Variants in EBF1 observed in about 807,000 individuals in gnomAD.
EBF1 encodes EBF transcription factor 1.
In EBF1, 10 loss-of-function variants were observed where a neutral mutation model predicts 68.4. The ratio of observed to expected loss-of-function variants is 0.15; its 90% CI spans 0.09 to 0.25. The LOEUF is 0.25. Among genes scored for constraint, EBF1 ranks in the 10% least tolerant of loss-of-function variants. The probability of loss-of-function intolerance (pLI) is 1.00; values close to 1 mark genes in which losing one functional copy is unlikely to be tolerated. For synonymous variants in EBF1, 298 were observed against 299.8 expected, an observed-to-expected ratio of 0.99 and a Z score of 0.06; for missense variants, 509 against 794.4, an observed-to-expected ratio of 0.64 and a Z score of 4.32.
At chr5:159,071,034 CTTG>C (rs1330195433) in intron 6 of EBF1, among the ~76,000 whole-genome samples, 2 of 152,186 alleles carry the variant, frequency 1.3e-5, no homozygotes, top group Admixed American at 1.3e-4. Context: ...AAGTTCTTCT[CTTG>C]TTGTTATTCT....
chr5:159,016,501 C>T (rs554192963), intron 6 of EBF1, among the ~76,000 whole-genome samples: 123 of 152,240 alleles, frequency 8.1e-4, no homozygotes, highest in African/African-American at 2.7e-3. Context: ...CCAATGATAA[C>T]GATGATAGGA....
Position 159,094,539 on chromosome 5 carries a change from C to T in EBF1, c.411+1081G>A, listed in dbSNP as rs906977445. Among the ~76,000 whole-genome samples, 7 of 152,194 alleles carry T rather than the reference C, an allele frequency of 4.6e-5. No individual in the cohort carries two copies. The East Asian group carries it at 1.2e-3, about 25-fold the overall frequency. On this transcript the variant is annotated intron_variant, in intron 4 of 15. Coordinates refer to ENST00000313708, the MANE Select transcript of EBF1 (RefSeq NM_024007.5). ...TGACATTTCTACCACATATTTAAGC[C>T]GTGGTGTATCTAAAAATAATTTTTA...
At chr5:158,726,563 A>G (rs1028339615) in intron 11 of EBF1, among the ~76,000 whole-genome samples, 1 of 152,240 alleles carries the variant, frequency 6.6e-6, no homozygotes, top group Non-Finnish European at 1.5e-5. Context: ...AAAGCAAAAT[A>G]CACAAATGCA....
intron 6 of EBF1, among the ~76,000 whole-genome samples, chr5:158,922,623 T>C (rs1009559111): frequency 6.6e-6 from 1 of 152,126 alleles, no homozygotes; most frequent in Non-Finnish European, 1.5e-5. Context: ...GAAAAGTAGA[T>C]TTACGGAAAG....
At chr5:158,952,472 C>T (rs1239820135) in intron 6 of EBF1, among the ~76,000 whole-genome samples, 2 of 152,170 alleles carry the variant, frequency 1.3e-5, no homozygotes, top group African/African-American at 4.8e-5. Flanking sequence ...ATCTTCTCCC[C>T]CTTGCACTAA....
chr5:158,800,889 C>T lies in EBF1; in HGVS notation c.779-4414G>A, dbSNP rs538822655. 2.6e-5 allele frequency among the ~76,000 whole-genome samples: 4 copies of T among 152,196 alleles called. No individual in the cohort carries two copies. In the South Asian group the frequency reaches 8.3e-4, roughly 32 times the overall value. ...AAGCAAATATTATGGAATGTGGGGG[C>T]GGTGTTTGAATACAAAACCACTTTT... On this transcript the variant is annotated intron_variant, in intron 8 of 15. Transcript: ENST00000313708.
intron 6 of EBF1, among the ~76,000 whole-genome samples, chr5:159,051,188 C>T (rs958655867): frequency 4.6e-5 from 7 of 152,052 alleles, no homozygotes; most frequent in Non-Finnish European, 7.4e-5. Context: ...TTTGAAGCCG[C>T]ACCACAAAGG....
intron 15 of EBF1, among the ~76,000 whole-genome samples, chr5:158,701,178 T>C (rs1405062562): frequency 6.6e-6 from 1 of 152,146 alleles, no homozygotes; most frequent in Non-Finnish European, 1.5e-5. Flanking sequence ...CAAGTCTACT[T>C]TCGCTTTCCA....
At chr5:159,067,602 G>A (rs1777073495) in intron 6 of EBF1, among the ~76,000 whole-genome samples, 1 of 152,160 alleles carries the variant, frequency 6.6e-6, no homozygotes, top group South Asian at 2.1e-4. Flanking sequence ...TATAGACTGC[G>A]ATTAGCTTAT....
intron 6 of EBF1, among the ~76,000 whole-genome samples, chr5:159,017,496 T>A (rs1765852544): frequency 1.3e-5 from 2 of 152,210 alleles, no homozygotes; most frequent in African/African-American, 4.8e-5. Context: ...TCAACCCCCA[T>A]TCCTTCAGTA....
intron 6 of EBF1, among the ~76,000 whole-genome samples, chr5:158,914,690 G>A (rs1001525274): frequency 2.0e-5 from 3 of 152,096 alleles, no homozygotes; most frequent in Admixed American, 6.5e-5. Flanking sequence ...TGTGTGGGGC[G>A]GTAGGAGGTG....
intron 6 of EBF1, among the ~76,000 whole-genome samples, chr5:158,896,507 G>A (rs1802208613): frequency 6.6e-6 from 1 of 152,006 alleles, no homozygotes; most frequent in Non-Finnish European, 1.5e-5. Context: ...CTTGTTTTAG[G>A]GGAATATTAT....
At chr5:159,079,803 T>G (rs1038097888) in intron 5 of EBF1, among the ~76,000 whole-genome samples, 1 of 151,834 alleles carries the variant, frequency 6.6e-6, no homozygotes, top group Non-Finnish European at 1.5e-5. Context: ...TTGGTAGAGA[T>G]GGGGTTTCAC....
chr5:158,947,507 C>T (rs1392169996), intron 6 of EBF1, among the ~76,000 whole-genome samples: 1 of 152,228 alleles, frequency 6.6e-6, no homozygotes, highest in Non-Finnish European at 1.5e-5. Flanking sequence ...TCTGCTCGCC[C>T]TCCCTGGGCT....
intron 6 of EBF1, among the ~76,000 whole-genome samples, chr5:158,850,651 T>C (rs1307575536): frequency 6.6e-6 from 1 of 152,190 alleles, no homozygotes; most frequent in East Asian, 1.9e-4. Context: ...ATGATGGAGC[T>C]ATATACCAGA....
chr5:158,988,147 C>T (rs1256059175), intron 6 of EBF1, among the ~76,000 whole-genome samples: 1 of 152,204 alleles, frequency 6.6e-6, no homozygotes, highest in East Asian at 1.9e-4. Flanking sequence ...CCTCTGGTCA[C>T]AAAGACGGAA....
At chr5:158,737,266 A>ATTTTTTTTTGTTTTTT (rs1765389933) in intron 10 of EBF1, among the ~76,000 whole-genome samples, 1 of 55,602 alleles carries the variant, frequency 1.8e-5, no homozygotes, top group Non-Finnish European at 3.0e-5. Context: ...ACATGCCCTG[A>ATTTTTTTTTGTTTTTT]TTTTTTTTTT....
chr5:159,011,361 T>C (rs974307821), intron 6 of EBF1, among the ~76,000 whole-genome samples: 1 of 152,202 alleles, frequency 6.6e-6, no homozygotes, highest in Non-Finnish European at 1.5e-5. Flanking sequence ...CACGCCTCCC[T>C]GAGCTGCATC....
At chr5:159,057,407 G>A (rs999907243) in intron 6 of EBF1, among the ~76,000 whole-genome samples, 2 of 152,084 alleles carry the variant, frequency 1.3e-5, no homozygotes, top group Admixed American at 6.5e-5. Flanking sequence ...CGCGCCTGAC[G>A]GACTGTTATA....
Sources: allele counts gnomAD v4.1 joint callset (sites outside exome capture counted in the v4.1 genomes callset), GRCh38; gene constraint gnomAD v4.1.1; transcripts MANE v1.5; gene names NCBI Gene and HGNC (gene_info 2026-07-23, HGNC 2026-07-21).